Variants in EPHA6 observed in about 807,000 individuals in gnomAD.
EPHA6 encodes EPH receptor A6.
A neutral mutation model predicts 112.0 loss-of-function variants in EPHA6; 50 were observed. The observed-to-expected ratio is 0.45, with a 90% CI of 0.36 to 0.56. EPHA6 has a LOEUF of 0.56. EPHA6 is among the 20% of genes least tolerant of loss of function. The pLI is 0.00. For missense variants in EPHA6, 1,280 were observed against 1,417.4 expected (o/e 0.90, Z 1.56); for synonymous variants, 529 against 490.7 (o/e 1.08, Z -1.03).
rs144631409 is a variant in EPHA6, at chr3:97,419,470, C to T, written c.1731+14196C>T. Among the ~76,000 whole-genome samples the T allele has an allele frequency of 8.8e-4, 134 of 151,514 alleles. 1 individual carries two copies. Among genetic ancestry groups the T allele is most frequent in the African/African-American group, 3.1e-3 (126 of 41,280 alleles). The stretch of plus-strand genomic sequence containing the variant: ...GGAAACCCCTTCTCTACTGAAAATA[C>T]AAAAATCAGCCTGGTGTGGTGGCAG... On this transcript the variant is annotated intron_variant, in intron 6 of 17. Coordinates refer to ENST00000389672, the MANE Select transcript of EPHA6 (RefSeq NM_001080448.3).
chr3:97,467,115 A>G (rs1255035089), intron 7 of EPHA6, among the ~76,000 whole-genome samples: 4 of 151,728 alleles, frequency 2.6e-5, no homozygotes, highest in Admixed American at 2.6e-4. Context: ...CTCTCTCACT[A>G]AAGAGAAACG....
intron 6 of EPHA6, among the ~76,000 whole-genome samples, chr3:97,438,971 A>C (rs1157221475): frequency 3.3e-5 from 5 of 152,184 alleles, no homozygotes; most frequent in African/African-American, 1.2e-4. Context: ...ATTTTCTCTA[A>C]CAGTAAATAT....
intron 9 of EPHA6, among the ~76,000 whole-genome samples, chr3:97,482,205 T>C (rs1430886924): frequency 6.6e-6 from 1 of 152,210 alleles, no homozygotes; most frequent in East Asian, 1.9e-4. Flanking sequence ...AATTGAATAG[T>C]TTAATAGTTA....
chr3:96,870,066 A>C (rs557558530), intron 2 of EPHA6, among the ~76,000 whole-genome samples: 91 of 152,230 alleles, frequency 6.0e-4, no homozygotes, highest in South Asian at 2.3e-3. Flanking sequence ...GAAATACTTC[A>C]TGTATTGGTC....
rs112340892 is a variant in EPHA6 at position 96,967,384 on chromosome 3, A to G, written c.451-19946A>G. On this transcript the variant is annotated intron_variant, in intron 2 of 17. Transcript: ENST00000389672. ...ATTTTTCATTTACTAGTATATTATG[A>G]ATACTTTTCCAAGTCATTGAATGTC... is the stretch of plus-strand genomic sequence containing the variant. Among the ~76,000 whole-genome samples, 1,255 of 151,430 alleles carry G rather than the reference A, an allele frequency of 8.3e-3. 14 individuals carry two copies. Among genetic ancestry groups the G allele is most frequent in the Non-Finnish European group, 0.013 (860 of 67,694 alleles).
rs991930861 is a variant in EPHA6 at position 97,760,382 on chromosome 3, A to T, written c.*11681A>T. 1 of 160,856 alleles carries T rather than the reference A, an allele frequency of 6.2e-6. No homozygotes were observed. The highest frequency in any genetic ancestry group is 1.3e-5 in the Non-Finnish European group (1 of 74,362). 10.0% of individuals were successfully genotyped at this position (160,856 alleles called of 1,614,324 possible). A position where few individuals can be genotyped will look rare whatever the true frequency, so the allele number is the denominator to read the frequency against. ...ATATGTATATATACCATATGTATAT[A>T]TACATATGTATGTGTGTATGTGTGT... is the stretch of plus-strand genomic sequence containing the variant. On this transcript the variant is annotated 3_prime_UTR_variant, in exon 18 of 18. Transcript: ENST00000389672.
chr3:97,494,801 A>C (rs1409859918), intron 10 of EPHA6, among the ~76,000 whole-genome samples: 1 of 152,156 alleles, frequency 6.6e-6, no homozygotes, highest in Non-Finnish European at 1.5e-5. Context: ...CTACTTCCAC[A>C]CCACACCATT....
chr3:97,008,500 G>A (rs1423742956), intron 3 of EPHA6, among the ~76,000 whole-genome samples: 1 of 152,256 alleles, frequency 6.6e-6, no homozygotes, highest in African/African-American at 2.4e-5. Flanking sequence ...ATTGTAGTTA[G>A]CAGTTCCTCT....
At chr3:97,300,968 AAC>A (rs2081068808) in intron 5 of EPHA6, among the ~76,000 whole-genome samples, 1 of 152,146 alleles carries the variant, frequency 6.6e-6, no homozygotes, top group African/African-American at 2.4e-5. Flanking sequence ...CTGCACAGAA[AAC>A]ACAGTGCTTC....
chr3:97,065,304 G>T (rs2046142940), intron 3 of EPHA6, among the ~76,000 whole-genome samples: 1 of 152,092 alleles, frequency 6.6e-6, no homozygotes, highest in Non-Finnish European at 1.5e-5. Context: ...TAATCACATT[G>T]AATCTCTTGG....
intron 3 of EPHA6, among the ~76,000 whole-genome samples, chr3:97,125,449 GA>G (rs2108313306): frequency 6.6e-6 from 1 of 152,204 alleles, no homozygotes; most frequent in African/African-American, 2.4e-5. Flanking sequence ...TAAAATTTAA[GA>G]TCACATCTGT....
intron 2 of EPHA6, among the ~76,000 whole-genome samples, chr3:96,978,739 G>A (rs938355408): frequency 1.3e-5 from 2 of 152,032 alleles, no homozygotes; most frequent in Admixed American, 1.3e-4. Flanking sequence ...CTTATGCACT[G>A]TATTTGAGAA....
chr3:97,100,695 A>G (rs1037881119), intron 3 of EPHA6, among the ~76,000 whole-genome samples: 4 of 151,930 alleles, frequency 2.6e-5, no homozygotes, highest in African/African-American at 9.7e-5. Context: ...TTTTTCCTTT[A>G]TTTTAAAAAG....
At chr3:97,725,828 T>G (rs533249301) in intron 15 of EPHA6, among the ~76,000 whole-genome samples, 1 of 151,970 alleles carries the variant, frequency 6.6e-6, no homozygotes, top group South Asian at 2.1e-4. Flanking sequence ...GAGGGGAAAA[T>G]CACCCCCAGT....
chr3:97,002,292 G>A lies in EPHA6; in HGVS notation c.1114+14299G>A, dbSNP rs182561909. ...GCATTTATATATAGATTGCTATTATGAACTAATTCACTATGGAGATGAAGT... is the reference window on the plus strand; with the variant it reads ...GCATTTATATATAGATTGCTATTATAAACTAATTCACTATGGAGATGAAGT... On this transcript the variant is annotated intron_variant, in intron 3 of 17. Coordinates refer to ENST00000389672, the MANE Select transcript of EPHA6 (RefSeq NM_001080448.3). Among the ~76,000 whole-genome samples the A allele has an allele frequency of 1.9e-3, 294 of 151,234 alleles. 2 individuals carry two copies. The highest frequency in any genetic ancestry group is 0.017 in the East Asian group (89 of 5,164).
chr3:96,908,858 GA>G (rs1419301671), intron 2 of EPHA6, among the ~76,000 whole-genome samples: 1 of 151,998 alleles, frequency 6.6e-6, no homozygotes, highest in East Asian at 1.9e-4. Context: ...ACTGTAAGAT[GA>G]AAGGATCAGC....
At chr3:96,904,123 T>C (rs1482964297) in intron 2 of EPHA6, among the ~76,000 whole-genome samples, 2 of 151,904 alleles carry the variant, frequency 1.3e-5, no homozygotes, top group Admixed American at 1.3e-4. Flanking sequence ...ACCCAAAGGA[T>C]TATAAATCAT....
At position 97,415,175 on chromosome 3, in the gene EPHA6, A is replaced by G. The variant is rs907783523; in HGVS notation, c.1731+9901A>G. ...CTGAAAAATTACAGAAAAAAAAAGA[A>G]TAGTTGAAAGAGTCATTAGGAGTAG... On this transcript the variant is annotated intron_variant, in intron 6 of 17. Coordinates refer to ENST00000389672, the MANE Select transcript of EPHA6 (RefSeq NM_001080448.3). Among the ~76,000 whole-genome samples the G allele has an allele frequency of 2.6e-5, 4 of 152,088 alleles. No homozygotes were observed. In the East Asian group the frequency reaches 7.7e-4, roughly 29 times the overall value.
chr3:97,214,038 T>TGTGTGTGAGAGAGA (rs1491420279), intron 3 of EPHA6, among the ~76,000 whole-genome samples: 224 of 77,826 alleles, frequency 2.9e-3, no homozygotes, highest in Middle Eastern at 6.4e-3. Context: ...TGTGTGTGTG[T>TGTGTGTGAGAGAGA]GAGAGAGAGA....
Sources: allele counts gnomAD v4.1 joint callset (sites outside exome capture counted in the v4.1 genomes callset), GRCh38; gene constraint gnomAD v4.1.1; transcripts MANE v1.5; gene names NCBI Gene and HGNC (gene_info 2026-07-23, HGNC 2026-07-21).